Variants in FILIP1L observed in about 807,000 individuals in gnomAD.
FILIP1L encodes the protein filamin A interacting protein 1 like, also known as filamin A-interacting protein 1-like.
In FILIP1L, 55 loss-of-function variants were observed where a neutral mutation model predicts 96.6. The ratio of observed to expected loss-of-function variants is 0.57; its 90% CI spans 0.46 to 0.71. The LOEUF is 0.71. Ranked by LOEUF, FILIP1L falls within the 30% of genes least tolerant of loss-of-function variation. The pLI is 0.00. For missense variants in FILIP1L, 1,304 were observed against 1,321.2 expected (o/e 0.99, Z 0.20); for synonymous variants, 467 against 473.9 (o/e 0.99, Z 0.19).
intron 1 of FILIP1L, among the ~76,000 whole-genome samples, chr3:100,112,424 C>G (rs1359309783): frequency 2.6e-5 from 4 of 152,166 alleles, no homozygotes; most frequent in South Asian, 2.1e-4. Context: ...AAGGCACCAT[C>G]ATTTCAATGG....
At chr3:99,896,797 T>C (rs959634837) in intron 4 of FILIP1L, among the ~76,000 whole-genome samples, 2 of 152,218 alleles carry the variant, frequency 1.3e-5, no homozygotes, top group African/African-American at 4.8e-5. Context: ...TGTTCCACAA[T>C]ATATTCATAA....
chr3:99,855,307 C>T (rs1047238090), intron 4 of FILIP1L, among the ~76,000 whole-genome samples: 1 of 152,126 alleles, frequency 6.6e-6, no homozygotes, highest in South Asian at 2.1e-4. Flanking sequence ...TCAGTAGCTA[C>T]ATTTTCATGC....
intron 4 of FILIP1L, among the ~76,000 whole-genome samples, chr3:99,895,538 TA>T (rs1005561503): frequency 2.6e-5 from 4 of 152,232 alleles, no homozygotes; most frequent in African/African-American, 9.6e-5. Context: ...GTTTGCTAGA[TA>T]TAGTTTAGGG....
intron 1 of FILIP1L, among the ~76,000 whole-genome samples, chr3:100,046,232 C>G (rs934062327): frequency 2.6e-5 from 4 of 152,088 alleles, no homozygotes; most frequent in Non-Finnish European, 5.9e-5. Context: ...CAGGATATTC[C>G]AGCGTTTGGA....
chr3:99,933,859 C>T (rs989189784), intron 1 of FILIP1L, among the ~76,000 whole-genome samples: 9 of 152,100 alleles, frequency 5.9e-5, no homozygotes, highest in African/African-American at 2.2e-4. Flanking sequence ...ACTTTGTGCC[C>T]AACTGTCTCA....
chr3:99,850,350 G>A lies in FILIP1L; in HGVS notation c.1326C>T (p.Tyr442=). 1 of 1,613,108 alleles carries A rather than the reference G, an allele frequency of 6.2e-7. No homozygotes were observed. Among genetic ancestry groups the A allele is most frequent in the Non-Finnish European group, 8.5e-7 (1 of 1,179,850 alleles). Residue 442 remains tyrosine (Y), a synonymous_variant, in exon 5 of 6, where the codon TAC becomes TAT. Coordinates refer to ENST00000477258, the MANE Select transcript of FILIP1L (RefSeq NM_001387850.1). Reference sequence around the variant, plus strand: ...CTTTTTCTAAATTGCATTTCAGAGAGTAGCATTCTTGTTTGCTTTTGTTGA... The same window carrying A: ...CTTTTTCTAAATTGCATTTCAGAGAATAGCATTCTTGTTTGCTTTTGTTGA... The part of the protein sequence containing the change: ...DAFNKSKQEC[Y]SLKCNLEKER...
intron 4 of FILIP1L, among the ~76,000 whole-genome samples, chr3:99,908,111 G>A (rs1014125602): frequency 3.9e-5 from 6 of 152,108 alleles, no homozygotes; most frequent in East Asian, 1.9e-4. Context: ...GTTCTAACTC[G>A]GCAGTTCTGA....
chr3:99,977,144 A>G (rs1708996260), intron 1 of FILIP1L, among the ~76,000 whole-genome samples: 1 of 152,230 alleles, frequency 6.6e-6, no homozygotes, highest in African/African-American at 2.4e-5. Flanking sequence ...GGGATGAAGC[A>G]ACCTGGCATG....
chr3:100,048,808 C>A (rs982161957), intron 1 of FILIP1L, among the ~76,000 whole-genome samples: 1 of 151,986 alleles, frequency 6.6e-6, no homozygotes, highest in African/African-American at 2.4e-5. Context: ...CATTTTCTTT[C>A]TGCTTCTAAA....
chr3:99,984,522 G>A (rs551384265), intron 1 of FILIP1L, among the ~76,000 whole-genome samples: 1 of 152,130 alleles, frequency 6.6e-6, no homozygotes, highest in Non-Finnish European at 1.5e-5. Flanking sequence ...TGTGGTCAGT[G>A]GTCCTCTAGC....
rs1486147365 is a variant in FILIP1L, at chr3:99,839,555, C to G, written c.3381+8740G>C. 2.6e-5 allele frequency among the ~76,000 whole-genome samples: 4 copies of G among 152,188 alleles called. No individual in the cohort carries two copies. The South Asian group carries it at 8.3e-4, about 32-fold the overall frequency. ...ATTCCTGCTGAAAACCAATTCCCTT[C>G]TCCCCCGACTCCATTTAAAGCCAAG... On this transcript the variant is annotated intron_variant, in intron 5 of 5. Transcript: ENST00000477258.
intron 1 of FILIP1L, among the ~76,000 whole-genome samples, chr3:99,977,533 T>C (rs560755925): frequency 4.6e-5 from 7 of 152,108 alleles, no homozygotes; most frequent in African/African-American, 1.4e-4. Flanking sequence ...TTCCTGGGAA[T>C]GTAAGCAAGT....
rs1200080361 is a variant in FILIP1L at position 99,936,385 on chromosome 3, T to C, written c.-10-5355A>G. Among the ~76,000 whole-genome samples the C allele has an allele frequency of 2.3e-4, 30 of 132,946 alleles. 1 individual carries two copies. In the Admixed American group the frequency reaches 2.3e-3, roughly 10 times the overall value. 87.2% of individuals were successfully genotyped at this position (132,946 alleles called of 152,430 possible). A position where few individuals can be genotyped will look rare whatever the true frequency, so the allele number is the denominator to read the frequency against. On this transcript the variant is annotated intron_variant, in intron 1 of 5. Transcript: ENST00000477258. ...GCTTGAAGCCTTTTTTTTTTTTTTT[T>C]TTTTTTTTGTGACAGCATCTCACAC...
At chr3:100,077,359 T>C (rs558230224) in intron 1 of FILIP1L, among the ~76,000 whole-genome samples, 171 of 152,352 alleles carry the variant, frequency 1.1e-3, no homozygotes, top group Non-Finnish European at 1.9e-3. Flanking sequence ...GAAGCAAGTA[T>C]GTTTGTACTT....
At chr3:100,107,857 G>A (rs1292387386) in intron 1 of FILIP1L, among the ~76,000 whole-genome samples, 3 of 149,044 alleles carry the variant, frequency 2.0e-5, no homozygotes, top group African/African-American at 4.9e-5. Context: ...ATATTTTATG[G>A]TAGAAGAGAG....
intron 4 of FILIP1L, among the ~76,000 whole-genome samples, chr3:99,922,732 G>T (rs1253057668): frequency 6.6e-6 from 1 of 152,158 alleles, no homozygotes; most frequent in Non-Finnish European, 1.5e-5. Context: ...GTCTACAGTG[G>T]TTCAGAATAG....
chr3:99,902,403 T>G (rs1440007030), intron 4 of FILIP1L, among the ~76,000 whole-genome samples: 2 of 152,186 alleles, frequency 1.3e-5, no homozygotes, highest in Non-Finnish European at 2.9e-5. Context: ...CAAGAAGCAG[T>G]TTCTCAGATG....
At chr3:99,878,874 C>T (rs1705628320) in intron 4 of FILIP1L, among the ~76,000 whole-genome samples, 1 of 152,186 alleles carries the variant, frequency 6.6e-6, no homozygotes, top group African/African-American at 2.4e-5. Context: ...ATTTCCTTCC[C>T]TCTTTCAACC....
rs1342795534 is a variant in FILIP1L, at chr3:100,048,682, A to G, written c.-11+65371T>C. ...CAGGAATCATTTCCACTCTGTTAACATCTCACTAAAGGAAGCAATCAAGTC... is the reference window on the plus strand; with the variant it reads ...CAGGAATCATTTCCACTCTGTTAACGTCTCACTAAAGGAAGCAATCAAGTC... On this transcript the variant is annotated intron_variant, in intron 1 of 5. Transcript: ENST00000477258. 2.0e-5 allele frequency among the ~76,000 whole-genome samples: 3 copies of G among 152,236 alleles called. No individual in the cohort carries two copies. In the East Asian group the frequency reaches 5.8e-4, roughly 29 times the overall value.
Sources: allele counts gnomAD v4.1 joint callset (sites outside exome capture counted in the v4.1 genomes callset), GRCh38; gene constraint gnomAD v4.1.1; transcripts MANE v1.5; gene names NCBI Gene and HGNC (gene_info 2026-07-23, HGNC 2026-07-21).